The following POLR3D variants were observed in gnomAD, a reference collection of about 807,000 sequenced individuals.
The protein encoded by POLR3D is DNA-directed RNA polymerase III subunit RPC4.
A neutral mutation model predicts 44.5 loss-of-function variants in POLR3D; 42 were observed. The observed-to-expected ratio is 0.94, with a 90% CI of 0.74 to 1.22. The LOEUF (loss-of-function observed/expected upper bound fraction) is 1.22. Among genes scored for constraint, POLR3D ranks in the 50% most tolerant of loss-of-function variants. The probability of loss-of-function intolerance (pLI) is 0.00; values close to 1 mark genes in which losing one functional copy is unlikely to be tolerated. For missense variants in POLR3D, 507 were observed against 505.2 expected, an observed-to-expected ratio of 1.00 and a Z score of -0.03; for synonymous variants, 217 against 198.1, an observed-to-expected ratio of 1.10 and a Z score of -0.80.
At position 22,249,283 on chromosome 8, in the gene POLR3D, G is replaced by T. The variant is rs1830076181; in HGVS notation, c.895G>T (p.Val299Leu). Residue 299 changes from valine to leucine, a missense_variant, in exon 7 of 9, where the codon GTG becomes TTG. Coordinates refer to ENST00000306433, the MANE Select transcript of POLR3D (RefSeq NM_001722.3). ...TEVQGEDGQV[V>L]LIKQEKDREA... ...GGTGCAGGGCGAGGACGGACAGGTG[G>T]TGCTCATCAAGCAGGAGAAAGACCG... 6.2e-7 allele frequency: 1 copy of T among 1,613,966 alleles called. No individual in the cohort carries two copies. Among genetic ancestry groups the T allele is most frequent in the Middle Eastern group, 1.7e-4 (1 of 6,058 alleles).
chr8:22,250,230 A>G lies in POLR3D; in HGVS notation c.1074+3A>G. On this transcript the variant is annotated splice_donor_region_variant and intron_variant, in intron 8 of 8. Transcript: ENST00000306433. ...GAACTGCCTGCTCCTTCCTGCAGGTAAGAGCCTCCTTAGGGGCAAGGAGGG... is the reference window on the plus strand; with the variant it reads ...GAACTGCCTGCTCCTTCCTGCAGGTGAGAGCCTCCTTAGGGGCAAGGAGGG... The G allele has an allele frequency of 6.2e-7, 1 of 1,613,904 alleles. No individual in the cohort carries two copies. Among genetic ancestry groups the G allele is most frequent in the Non-Finnish European group, 8.5e-7 (1 of 1,179,926 alleles).
At chr8:22,248,997 A>C in intron 6 of POLR3D, 47 bp from the exon 7 acceptor site, 1 of 1,601,932 alleles carries the variant, frequency 6.2e-7, no homozygotes, top group Non-Finnish European at 8.5e-7. Context: ...GTGAGCTGGT[A>C]TGGAGGGTGG....
Position 22,249,178 on chromosome 8 carries a change from G to C in POLR3D, c.790G>C (p.Glu264Gln). The C allele has an allele frequency of 6.2e-7, 1 of 1,614,082 alleles. No individual in the cohort carries two copies. The highest frequency in any genetic ancestry group is 2.2e-5 in the East Asian group (1 of 44,862). ...GAGGGAGCTGAGCCTCACCAAGGAA[G>C]AGGAACTGCTGTTTCTGCAGCTGCC... Reference protein sequence around the residue: ...LLRELSLTKEEELLFLQLPDT... With the variant: ...LLRELSLTKEQELLFLQLPDT... The change falls in exon 7 of 9, where the codon GAG becomes CAG. Residue 264 changes from glutamate to glutamine, a missense_variant. Physicochemically the swap from Glu to Gln is conservative, Grantham distance 29. Transcript: ENST00000306433.
rs1349921707 is a variant in POLR3D at position 22,254,526 on chromosome 8, A to G, written c.*4008A>G. The G allele has an allele frequency of 6.6e-6, 1 of 152,194 alleles. No individual in the cohort carries two copies. Among genetic ancestry groups the G allele is most frequent in the Non-Finnish European group, 1.5e-5 (1 of 68,034 alleles). The allele number at this position is 152,194 out of a possible 1,614,324, so 9.4% of individuals were successfully genotyped here. On this transcript the variant is annotated 3_prime_UTR_variant, in exon 9 of 9. Transcript: ENST00000306433. ...ACATGCACACACATCCAGTTCTTCC[A>G]TGTTAATGAGTATGTTGTGTTTCAC...
At chr8:22,250,010 G>A (rs1185419867) in intron 7 of POLR3D, 65 bp from the exon 8 acceptor site, 5 of 1,576,670 alleles carry the variant, frequency 3.2e-6, no homozygotes, top group Non-Finnish European at 4.3e-6. Flanking sequence ...GGAGTAGAAG[G>A]GGGTTCATGA....
chr8:22,249,000 G>A (rs768874634), intron 6 of POLR3D, 44 bp from the exon 7 acceptor site: 141 of 1,605,324 alleles, frequency 8.8e-5, no homozygotes, highest in Non-Finnish European at 1.1e-4. Flanking sequence ...AGCTGGTATG[G>A]AGGGTGGTCA....
chr8:22,245,310 C>A, intron 1 of POLR3D, 127 bp downstream of exon 1: 1 of 593,692 alleles, frequency 1.7e-6, no homozygotes, highest in Non-Finnish European at 2.7e-6. Flanking sequence ...GGGAGTCTCG[C>A]CACGTGGGAG....
At chr8:22,249,552 A>G (rs1303625023) in intron 7 of POLR3D, among the ~76,000 whole-genome samples, 1 of 152,248 alleles carries the variant, frequency 6.6e-6, no homozygotes, top group Admixed American at 6.5e-5. Flanking sequence ...ACATATGGCC[A>G]GATGCGGTGG....
rs748311234 is a variant in POLR3D, at chr8:22,249,119, G to A, written c.731G>A (p.Gly244Asp). 5 of 1,613,910 alleles carry A rather than the reference G, an allele frequency of 3.1e-6. No homozygotes were observed. The South Asian group carries it at 5.5e-5, about 18-fold the overall frequency. ...APPKAARKTPGLPKDVSVAEL... is the reference protein window; with the variant it reads ...APPKAARKTPDLPKDVSVAEL... ...CCCAAAGCAGCCAGGAAGACTCCAG[G>A]CCTCCCGAAGGATGTATCTGTGGCA... The change falls in exon 7 of 9, where the codon GGC (glycine) becomes GAC (aspartate). Residue 244 changes from glycine to aspartate, a missense_variant. By Grantham distance (94) the Gly-to-Asp change is moderately conservative (BLOSUM62 -1). Coordinates refer to ENST00000306433, the MANE Select transcript of POLR3D (RefSeq NM_001722.3).
chr8:22,247,096 G>T (rs1199376520), intron 2 of POLR3D, 125 bp from the exon 3 acceptor site: 1 of 682,694 alleles, frequency 1.5e-6, no homozygotes, highest in Non-Finnish European at 2.6e-6. Context: ...ACAGCACTGT[G>T]GAATGTGCCA....
In POLR3D at chr8:22,249,327, C is replaced by G. The variant is rs779451688; in HGVS notation, c.921+18C>G. ...AAGACCGAGTACGCTCAGACAGAGG[C>G]CTGCGGGAATCAAGTCGGGGACTGG... On this transcript the variant is annotated intron_variant, in intron 7 of 8. Transcript: ENST00000306433. The G allele has an allele frequency of 2.2e-5, 36 of 1,607,978 alleles. No homozygotes were observed. Among genetic ancestry groups the G allele is most frequent in the Non-Finnish European group, 2.9e-5 (34 of 1,175,338 alleles).
intron 7 of POLR3D, 63 bp downstream of exon 7, chr8:22,249,372 T>C: frequency 6.4e-7 from 1 of 1,562,704 alleles, no homozygotes; most frequent in Non-Finnish European, 8.8e-7. Flanking sequence ...TGGTGACCTG[T>C]AGTGGGAAGC....
Position 22,248,326 on chromosome 8 carries a change from CAG to C in POLR3D, c.486+49_486+50del, listed in dbSNP as rs538789166. ...AAGGGGTTTCCTTGTGGCTGTAGAACAGGGCTTCTGGGGAGCCAGGTGAGGGG... is the reference window on the plus strand; with the variant it reads ...AAGGGGTTTCCTTGTGGCTGTAGAACGGCTTCTGGGGAGCCAGGTGAGGGG... On this transcript the variant is annotated intron_variant, in intron 5 of 8. Coordinates refer to ENST00000306433, the MANE Select transcript of POLR3D (RefSeq NM_001722.3). 1.7e-5 allele frequency: 28 copies of C among 1,602,374 alleles called. No individual in the cohort carries two copies. In the South Asian group the frequency reaches 2.6e-4, roughly 15 times the overall value.
In POLR3D at chr8:22,248,657, G is replaced by GT; in HGVS notation, c.655+9dup. On this transcript the variant is annotated intron_variant, in intron 6 of 8. Coordinates refer to ENST00000306433, the MANE Select transcript of POLR3D (RefSeq NM_001722.3). Reference sequence around the variant, plus strand: ...ACATACCTGCTGTGAAAGGTACTCTGTCGGTTAACTTCTCATCTCCAATTC... The same window carrying GT: ...ACATACCTGCTGTGAAAGGTACTCTGTTCGGTTAACTTCTCATCTCCAATTC... 6.2e-7 allele frequency: 1 copy of GT among 1,609,024 alleles called. No individual in the cohort carries two copies. Among genetic ancestry groups the GT allele is most frequent in the Non-Finnish European group, 8.5e-7 (1 of 1,177,642 alleles).
At position 22,245,614 on chromosome 8, in the gene POLR3D, G is replaced by T. The variant is rs988902926; in HGVS notation, c.165G>T (p.Lys55Asn). Residue 55 changes from lysine to asparagine, a missense_variant and splice_region_variant, in exon 2 of 9, where the codon AAG (lysine) becomes AAT (asparagine). Transcript: ENST00000306433. ...SRDLTLGGVK[K>N]KTFTPNIISR... ...ACCTCACCCTCGGGGGAGTCAAGAAGGTACCCAACGGCGCGTTTCTAAAGA... is the reference window on the plus strand; with the variant it reads ...ACCTCACCCTCGGGGGAGTCAAGAATGTACCCAACGGCGCGTTTCTAAAGA... 8.0e-6 allele frequency: 10 copies of T among 1,253,938 alleles called. No individual in the cohort carries two copies. In the Admixed American group the frequency reaches 2.8e-4, roughly 35 times the overall value. 77.7% of individuals were successfully genotyped at this position (1,253,938 alleles called of 1,614,324 possible).
chr8:22,251,167 A>T lies in POLR3D; in HGVS notation c.*649A>T, dbSNP rs187745556. The T allele has an allele frequency of 6.5e-6, 1 of 153,000 alleles. No homozygotes were observed. The allele number at this position is 153,000 out of a possible 1,614,324, so 9.5% of individuals were successfully genotyped here. ...ATAAACGTTCATGTCCTTTTTCTCT[A>T]CCTGAGTCTATTTTCAAACAAAATA... is the stretch of plus-strand genomic sequence containing the variant. On this transcript the variant is annotated 3_prime_UTR_variant, in exon 9 of 9. Coordinates refer to ENST00000306433, the MANE Select transcript of POLR3D (RefSeq NM_001722.3).
Position 22,248,236 on chromosome 8 carries a change from C to G in POLR3D, c.444C>G (p.Asp148Glu), listed in dbSNP as rs200505471. 1.9e-6 allele frequency: 3 copies of G among 1,614,090 alleles called. No individual in the cohort carries two copies. The highest frequency in any genetic ancestry group is 2.5e-6 in the Non-Finnish European group (3 of 1,180,018). Residue 148 changes from aspartate (D) to glutamate (E), a missense_variant, in exon 5 of 9, where the codon GAC (aspartate) becomes GAG (glutamate). By Grantham distance (45) the Asp-to-Glu change is conservative. Coordinates refer to ENST00000306433, the MANE Select transcript of POLR3D (RefSeq NM_001722.3). ...TCAAAAAAGAGAAGAGAGAGACAGA[C>G]GAAGAAACTAAACAGATCTTGCGTA... ...INIKKEKRET[D>E]EETKQILRML...
At chr8:22,249,433 G>GCAGGCGTCAAGAATA in intron 7 of POLR3D, 124 bp downstream of exon 7, 2 of 1,029,168 alleles carry the variant, frequency 1.9e-6, no homozygotes, top group Non-Finnish European at 2.9e-6. Context: ...GGTTATTCTT[G>GCAGGCGTCAAGAATA]ACGCCTGCAA....
Position 22,249,890 on chromosome 8 carries a change from G to A in POLR3D, c.922-185G>A, listed in dbSNP as rs779328618. ...TTCAGCAGTAACTGATATTTTGTCC[G>A]TGTATGTATTTGTTTGCTGTGGGTT... On this transcript the variant is annotated intron_variant, in intron 7 of 8. Transcript: ENST00000306433. Among the ~76,000 whole-genome samples the A allele has an allele frequency of 7.2e-5, 11 of 152,292 alleles. No homozygotes were observed. In the South Asian group the frequency reaches 1.7e-3, roughly 23 times the overall value.
Sources: gnomAD v4.1 joint callset for allele counts (sites outside exome capture counted in the v4.1 genomes callset) on GRCh38, gnomAD v4.1.1 for gene constraint, MANE v1.5 for transcripts, NCBI Gene and HGNC (gene_info 2026-07-23, HGNC 2026-07-21) for gene names.